RTN4R: variants seen among roughly 807,000 people sequenced by gnomAD.
RTN4R encodes reticulon 4 receptor.
Under a neutral mutation model 27.7 loss-of-function variants are expected in RTN4R, and 4 were observed. The observed-to-expected ratio is 0.14, with a 90% confidence interval of 0.07 to 0.33. The LOEUF is 0.33. Ranked by LOEUF, RTN4R falls within the 10% of genes least tolerant of loss-of-function variation. RTN4R has a pLI of 1.00. For missense variants in RTN4R, 554 were observed against 671.5 expected, an observed-to-expected ratio of 0.83 and a Z score of 1.93; for synonymous variants, 290 against 305.6, an observed-to-expected ratio of 0.95 and a Z score of 0.53.
rs2051292244 is a variant in RTN4R, at chr22:20,268,281, GCA to G, written c.-191_-190del. 5.4e-4 allele frequency: 5 copies of G among 9,234 alleles called. No homozygotes were observed. Among genetic ancestry groups the G allele is most frequent in the African/African-American group, 1.4e-3 (2 of 1,412 alleles). 0.6% of individuals were successfully genotyped at this position (9,234 alleles called of 1,614,324 possible). Reference sequence around the variant, plus strand: ...CTCGGGCCGCGGGTGCGCAGGGCGCGCAGGGCGCACAGGGCGAGGGCGGCGGC... The same window carrying G: ...CTCGGGCCGCGGGTGCGCAGGGCGCGGGGCGCACAGGGCGAGGGCGGCGGC... On this transcript the variant is annotated 5_prime_UTR_variant, in exon 1 of 2. Transcript: ENST00000043402.
chr22:20,244,975 CT>C (rs981067134), intron 1 of RTN4R, among the ~76,000 whole-genome samples: 3 of 152,202 alleles, frequency 2.0e-5, no homozygotes, highest in Non-Finnish European at 2.9e-5. Context: ...CATCCCACCA[CT>C]GTCCTGTGGC....
At chr22:20,243,229 C>A in intron 1 of RTN4R, 119 bp from the exon 2 acceptor site, 2 of 962,694 alleles carry the variant, frequency 2.1e-6, no homozygotes, top group Non-Finnish European at 3.1e-6. Context: ...GGGCTGGGTC[C>A]AAGATGTGGC....
chr22:20,242,413 C>T lies in RTN4R; in HGVS notation c.720G>A (p.Ala240=), dbSNP rs759878308. 1.1e-5 allele frequency: 17 copies of T among 1,613,152 alleles called. No homozygotes were observed. The highest frequency in any genetic ancestry group is 5.3e-5 in the African/African-American group (4 of 74,920). Residue 240 remains alanine (A), a synonymous_variant, in exon 2 of 2, where the codon GCG becomes GCA. Coordinates refer to ENST00000043402, the MANE Select transcript of RTN4R (RefSeq NM_023004.6). ...TLYLFANNLS[A]LPTEALAPLR... ...GGGGGGCCAGGGCCTCAGTGGGCAG[C>T]GCTGATAGATTGTTGGCAAACAGAT...
chr22:20,247,878 G>A (rs2051151031), intron 1 of RTN4R, among the ~76,000 whole-genome samples: 1 of 152,248 alleles, frequency 6.6e-6, no homozygotes, highest in Non-Finnish European at 1.5e-5. Context: ...GAGGCCCAGT[G>A]TGGGCAGAGC....
intron 1 of RTN4R, among the ~76,000 whole-genome samples, chr22:20,245,883 C>G (rs1314616001): frequency 6.6e-6 from 1 of 152,210 alleles, no homozygotes; most frequent in East Asian, 1.9e-4. Flanking sequence ...CCTGCCATGG[C>G]CCCAGCTCTC....
chr22:20,261,559 A>G (rs1465312220), intron 1 of RTN4R, among the ~76,000 whole-genome samples: 27 of 152,186 alleles, frequency 1.8e-4, no homozygotes, highest in Admixed American at 1.8e-3. Flanking sequence ...GGGGAAACAG[A>G]GCAACCCTTG....
chr22:20,243,915 C>T (rs2051125068), intron 1 of RTN4R, among the ~76,000 whole-genome samples: 1 of 152,116 alleles, frequency 6.6e-6, no homozygotes, highest in Non-Finnish European at 1.5e-5. Context: ...ATTACAGGGC[C>T]AGATACACCT....
chr22:20,245,241 G>C (rs897461893), intron 1 of RTN4R, among the ~76,000 whole-genome samples: 1 of 152,136 alleles, frequency 6.6e-6, no homozygotes. Context: ...GACACGGCTC[G>C]GTTCCTGCCG....
intron 1 of RTN4R, among the ~76,000 whole-genome samples, chr22:20,244,996 G>A (rs936607148): frequency 3.3e-5 from 5 of 152,278 alleles, no homozygotes; most frequent in South Asian, 2.1e-4. Context: ...CTCCAGGCCC[G>A]AAGCTGTGGG....
At chr22:20,253,813 G>A (rs976049998) in intron 1 of RTN4R, among the ~76,000 whole-genome samples, 9 of 151,484 alleles carry the variant, frequency 5.9e-5, no homozygotes, top group African/African-American at 2.2e-4. Flanking sequence ...AAGAAAGAGT[G>A]CCTGGAAATT....
chr22:20,268,069 A>G lies in RTN4R; in HGVS notation c.22+2T>C. The G allele has an allele frequency of 8.7e-7, 1 of 1,150,830 alleles. No homozygotes were observed. Among genetic ancestry groups the G allele is most frequent in the Non-Finnish European group, 1.1e-6 (1 of 935,818 alleles). 71.3% of individuals were successfully genotyped at this position (1,150,830 alleles called of 1,614,324 possible). A position where few individuals can be genotyped will look rare whatever the true frequency, so the allele number is the denominator to read the frequency against. On this transcript the variant is annotated splice_donor_variant, in intron 1 of 1. Coordinates refer to ENST00000043402, the MANE Select transcript of RTN4R (RefSeq NM_023004.6). LOFTEE classifies it high-confidence loss of function. ...GGGCTCGGGTGCAGCGCGGACACTC[A>G]CCTCCAGCGGACGCCCTCTTCATCG... is the stretch of plus-strand genomic sequence containing the variant.
intron 1 of RTN4R, among the ~76,000 whole-genome samples, chr22:20,258,545 C>T (rs2051225707): frequency 6.6e-6 from 1 of 152,244 alleles, no homozygotes; most frequent in African/African-American, 2.4e-5. Context: ...CACCCTGGGC[C>T]TGGGGTAGCC....
chr22:20,255,733 GC>G lies in RTN4R; in HGVS notation c.22+12337del, dbSNP rs1370478463. 2.6e-5 allele frequency among the ~76,000 whole-genome samples: 4 copies of G among 151,910 alleles called. No homozygotes were observed. Among genetic ancestry groups the G allele is most frequent in the Middle Eastern group, 3.4e-3 (1 of 294 alleles). On this transcript the variant is annotated intron_variant, in intron 1 of 1. Coordinates refer to ENST00000043402, the MANE Select transcript of RTN4R (RefSeq NM_023004.6). This position sits in a 1 kb window ranked among gnomAD's most constrained non-coding sequence, Gnocchi z 4.8. ...TGTCCCCTCCTTGTCACAGATCTGA[GC>G]CCCCCACTCCAGGCTGGGGCCCCTC...
chr22:20,256,739 T>A (rs926279729), intron 1 of RTN4R, among the ~76,000 whole-genome samples: 1 of 152,184 alleles, frequency 6.6e-6, no homozygotes, highest in Non-Finnish European at 1.5e-5. Context: ...CCGACCCCGA[T>A]CATGGCTGCA....
intron 1 of RTN4R, among the ~76,000 whole-genome samples, chr22:20,248,096 T>G (rs1355902167): frequency 1.3e-5 from 2 of 152,212 alleles, no homozygotes; most frequent in East Asian, 3.9e-4. Flanking sequence ...TCAAGTTTAT[T>G]GACCCATTTT....
chr22:20,265,734 C>T (rs2051273217), intron 1 of RTN4R, among the ~76,000 whole-genome samples: 1 of 152,166 alleles, frequency 6.6e-6, no homozygotes, highest in Non-Finnish European at 1.5e-5. Context: ...GGGTGAGGGG[C>T]CAGCTGGCAG....
chr22:20,248,676 C>T (rs2051156735), intron 1 of RTN4R, among the ~76,000 whole-genome samples: 1 of 152,148 alleles, frequency 6.6e-6, no homozygotes, highest in African/African-American at 2.4e-5. Flanking sequence ...GGCCAGCTGA[C>T]CACGGGCAGC....
In RTN4R at chr22:20,255,233, T is replaced by C. The variant is rs941440509; in HGVS notation, c.23-12123A>G. ...GAATGTTATTATTTTTTAAAACAAC[T>C]GCATATGTGGCACTAAAATCTCAGA... On this transcript the variant is annotated intron_variant, in intron 1 of 1. Transcript: ENST00000043402. The surrounding 1 kb of genome is among the most constrained non-coding windows in gnomAD (Gnocchi z 4.8). Among the ~76,000 whole-genome samples, 1 of 152,154 alleles carries C rather than the reference T, an allele frequency of 6.6e-6. No homozygotes were observed. The highest frequency in any genetic ancestry group is 6.5e-5 in the Admixed American group (1 of 15,282).
At chr22:20,249,575 C>T (rs2051163085) in intron 1 of RTN4R, among the ~76,000 whole-genome samples, 1 of 152,208 alleles carries the variant, frequency 6.6e-6, no homozygotes, top group Non-Finnish European at 1.5e-5. Context: ...CCTGGGGGTG[C>T]ACACGATAGG....
Sources: allele counts gnomAD v4.1 joint callset (sites outside exome capture counted in the v4.1 genomes callset), GRCh38; gene constraint gnomAD v4.1.1; non-coding constraint Gnocchi (gnomAD v3.1); transcripts MANE v1.5; gene names NCBI Gene and HGNC (gene_info 2026-07-23, HGNC 2026-07-21).